SCARA5: variants seen among roughly 807,000 people sequenced by gnomAD.
SCARA5 encodes scavenger receptor class A member 5.
SCARA5 carries 45 observed loss-of-function variants against 46.3 expected under a neutral mutation model. The observed-to-expected ratio is 0.97, with a 90% confidence interval of 0.76 to 1.24. The LOEUF is 1.24. SCARA5 is among the 50% of genes most tolerant of loss of function. The pLI, the probability that SCARA5 is intolerant of heterozygous loss-of-function variation, is 0.00. For synonymous variants in SCARA5, 333 were observed against 306.5 expected (o/e 1.09, Z -0.90); for missense variants, 680 against 689.0 (o/e 0.99, Z 0.15).
chr8:27,907,445 A>G (rs1239084049), intron 5 of SCARA5, among the ~76,000 whole-genome samples, 199 bp from the exon 6 acceptor site: 2 of 152,062 alleles, frequency 1.3e-5, no homozygotes, highest in African/African-American at 4.8e-5. Context: ...CACACCTTGT[A>G]TCCATCAGGC....
intron 2 of SCARA5, among the ~76,000 whole-genome samples, chr8:27,970,427 T>C (rs1417269232): frequency 6.6e-6 from 1 of 152,338 alleles, no homozygotes; most frequent in African/African-American, 2.4e-5. Context: ...TTGTTTACCA[T>C]TGCCATGGCA....
chr8:27,921,993 T>C lies in SCARA5; in HGVS notation c.494A>G (p.Gln165Arg). Residue 165 changes from glutamine to arginine, a missense_variant, in exon 4 of 9, where the codon CAG becomes CGG. Coordinates refer to ENST00000354914, the MANE Select transcript of SCARA5 (RefSeq NM_173833.6). ...GLQAQAVQTEQAVALLRDRTG... is the reference protein window; with the variant it reads ...GLQAQAVQTERAVALLRDRTG... Reference sequence around the variant, plus strand: ...GCGGTCCCGCAGCAGGGCCACCGCCTGCTCGGTCTGCACCGCCTGCGCCTG... The same window carrying C: ...GCGGTCCCGCAGCAGGGCCACCGCCCGCTCGGTCTGCACCGCCTGCGCCTG... 1 of 1,555,114 alleles carries C rather than the reference T, an allele frequency of 6.4e-7. No homozygotes were observed. Among genetic ancestry groups the C allele is most frequent in the South Asian group, 1.2e-5 (1 of 83,736 alleles).
Position 27,901,869 on chromosome 8 carries a change from C to T in SCARA5, c.1153+2909G>A, listed in dbSNP as rs751427880. 1.2e-4 allele frequency among the ~76,000 whole-genome samples: 19 copies of T among 152,192 alleles called. No homozygotes were observed. The East Asian group carries it at 2.1e-3, about 17-fold the overall frequency. ...CCCCATCCCAGGGTCAGGAAGTCAG[C>T]GGCTGGGGATTTTGTTCAGCCTCAG... On this transcript the variant is annotated intron_variant, in intron 7 of 8. Transcript: ENST00000354914.
chr8:27,900,900 G>A (rs566691990), intron 7 of SCARA5, among the ~76,000 whole-genome samples: 1 of 149,770 alleles, frequency 6.7e-6, no homozygotes, highest in Non-Finnish European at 1.5e-5. Context: ...AGCAGAAATC[G>A]GGACATCTGG....
chr8:27,991,877 GCA>G (rs1179346523), intron 1 of SCARA5, among the ~76,000 whole-genome samples: 10 of 133,500 alleles, frequency 7.5e-5, no homozygotes, highest in South Asian at 5.3e-4. Context: ...ACACACACAT[GCA>G]CACACACACA....
intron 3 of SCARA5, among the ~76,000 whole-genome samples, chr8:27,936,740 C>T (rs902256179): frequency 2.6e-5 from 4 of 152,030 alleles, no homozygotes; most frequent in Non-Finnish European, 4.4e-5. Flanking sequence ...GAACACACAC[C>T]GTGCAGTGGC....
chr8:27,989,129 C>CTTTTTTTTTTTTTTTTTTTTTTTTTT (rs34929623), intron 1 of SCARA5, among the ~76,000 whole-genome samples: 15 of 68,316 alleles, frequency 2.2e-4, no homozygotes, highest in Admixed American at 4.4e-4. Context: ...TTCTTTCTTT[C>CTTTTTTTTTTTTTTTTTTTTTTTTTT]TTTTTTTTTT....
chr8:27,981,788 A>G (rs1808619864), intron 2 of SCARA5, among the ~76,000 whole-genome samples: 1 of 152,174 alleles, frequency 6.6e-6, no homozygotes, highest in Admixed American at 6.5e-5. Flanking sequence ...GACCTGCCTA[A>G]CAGAGCCATG....
intron 4 of SCARA5, 97 bp from the exon 5 acceptor site, chr8:27,909,840 G>A (rs893083450): frequency 1.2e-4 from 91 of 742,680 alleles, no homozygotes; most frequent in Non-Finnish European, 1.9e-4. Context: ...CTGAGGAGAG[G>A]AAGGGGCAGC....
chr8:27,902,574 A>G (rs1807174299), intron 7 of SCARA5, among the ~76,000 whole-genome samples: 2 of 152,214 alleles, frequency 1.3e-5, no homozygotes, highest in South Asian at 4.1e-4. Flanking sequence ...CCCCTCTGGC[A>G]TGCGGGCAGT....
chr8:27,909,809 A>G, intron 4 of SCARA5, 66 bp from the exon 5 acceptor site: 1 of 1,161,546 alleles, frequency 8.6e-7, no homozygotes, highest in Non-Finnish European at 1.2e-6. Flanking sequence ...GGTCATCTGT[A>G]GAGGAAACAA....
At chr8:27,930,045 C>G (rs192213230) in intron 3 of SCARA5, among the ~76,000 whole-genome samples, 4 of 152,158 alleles carry the variant, frequency 2.6e-5, no homozygotes, top group Non-Finnish European at 4.4e-5. Flanking sequence ...TGGTCCCCCC[C>G]AGTCCTGCAG....
At chr8:27,915,659 A>G (rs935274712) in intron 4 of SCARA5, among the ~76,000 whole-genome samples, 1 of 152,224 alleles carries the variant, frequency 6.6e-6, no homozygotes, top group Admixed American at 6.5e-5. Flanking sequence ...AAATCAGCCC[A>G]CAGACAAATC....
Position 27,946,976 on chromosome 8 carries a change from C to T in SCARA5, c.241+19438G>A, listed in dbSNP as rs745661853. Among the ~76,000 whole-genome samples the T allele has an allele frequency of 8.6e-5, 13 of 151,134 alleles. No individual in the cohort carries two copies. The South Asian group carries it at 1.5e-3, about 17-fold the overall frequency. ...CTTCAGTTTCTTCTGTCTCTCCTAG[C>T]GAACAGAGATCCCAGGTGGTCAGAA... On this transcript the variant is annotated intron_variant, in intron 3 of 8. Coordinates refer to ENST00000354914, the MANE Select transcript of SCARA5 (RefSeq NM_173833.6).
At chr8:27,983,435 G>A (rs1233137063) in intron 2 of SCARA5, among the ~76,000 whole-genome samples, 1 of 152,160 alleles carries the variant, frequency 6.6e-6, no homozygotes, top group Non-Finnish European at 1.5e-5. Flanking sequence ...TTCCCAATTG[G>A]TTCCAAATCC....
At position 27,886,395 on chromosome 8, in the gene SCARA5, G is replaced by A. The variant is rs149845509; in HGVS notation, c.1154-6629C>T. Among the ~76,000 whole-genome samples the A allele has an allele frequency of 2.0e-5, 3 of 152,360 alleles. No homozygotes were observed. The East Asian group carries it at 5.8e-4, about 29-fold the overall frequency. ...ACTTCACAGAGCATGGCCCTAAGCT[G>A]TGGATTTTGCATCCTTTTCTCCCCA... On this transcript the variant is annotated intron_variant, in intron 7 of 8. Transcript: ENST00000354914.
intron 6 of SCARA5, among the ~76,000 whole-genome samples, chr8:27,906,386 G>A (rs1807262377): frequency 6.6e-6 from 1 of 152,218 alleles, no homozygotes; most frequent in African/African-American, 2.4e-5. Context: ...AGGAAGAAGA[G>A]CAAATCAGAA....
In SCARA5 at chr8:27,966,494, G is replaced by T; in HGVS notation, c.161C>A (p.Ser54Tyr). ...GACAGCATGCTTCAGGGCCGACAGGGACCCCAGCTGGGTACAGCAGATGCT... is the reference window on the plus strand; with the variant it reads ...GACAGCATGCTTCAGGGCCGACAGGTACCCCAGCTGGGTACAGCAGATGCT... ...RASICCTQLG[S>Y]LSALKHAVLG... Residue 54 changes from serine to tyrosine, a missense_variant, in exon 3 of 9, where the codon TCC (serine) becomes TAC (tyrosine). This residue lies in a region of SCARA5 where 438 missense variants were observed against 384.5 expected (regional missense o/e 1.14). Coordinates refer to ENST00000354914, the MANE Select transcript of SCARA5 (RefSeq NM_173833.6). The T allele has an allele frequency of 6.2e-7, 1 of 1,613,908 alleles. No individual in the cohort carries two copies. Among genetic ancestry groups the T allele is most frequent in the South Asian group, 1.1e-5 (1 of 91,052 alleles).
chr8:27,911,738 G>T (rs1585482894), intron 4 of SCARA5, among the ~76,000 whole-genome samples: 1 of 152,146 alleles, frequency 6.6e-6, no homozygotes, highest in African/African-American at 2.4e-5. Context: ...ACCATGAAAA[G>T]TGGCCTTTAT....
Sources: gnomAD v4.1 joint callset for allele counts (sites outside exome capture counted in the v4.1 genomes callset) on GRCh38, gnomAD v4.1.1 for gene constraint, gnomAD v4.1.1 regional missense constraint, MANE v1.5 for transcripts, NCBI Gene and HGNC (gene_info 2026-07-23, HGNC 2026-07-21) for gene names.